Variants in DMXL1 observed in about 807,000 individuals in gnomAD.
DMXL1 encodes the protein dmX-like protein 1.
Under a neutral mutation model 319.2 loss-of-function variants are expected in DMXL1, and 99 were observed. The ratio of observed to expected loss-of-function variants is 0.31; its 90% CI spans 0.26 to 0.37. The LOEUF (loss-of-function observed/expected upper bound fraction) is 0.37. Among genes scored for constraint, DMXL1 ranks in the 10% least tolerant of loss-of-function variants. The pLI is 1.00. For missense variants in DMXL1, 3,745 were observed against 3,595.6 expected, an observed-to-expected ratio of 1.04 and a Z score of -1.06; for synonymous variants, 1,385 against 1,235.2, an observed-to-expected ratio of 1.12 and a Z score of -2.54.
At chr5:119,129,056 CA>C (rs1764225553) in intron 9 of DMXL1, among the ~76,000 whole-genome samples, 154 bp from the exon 10 acceptor site, 1 of 151,626 alleles carries the variant, frequency 6.6e-6, no homozygotes, top group Admixed American at 6.6e-5. Context: ...AACTCTGTCT[CA>C]AAAAAACAAA....
chr5:119,223,508 C>T (rs777158574), intron 37 of DMXL1, among the ~76,000 whole-genome samples: 1 of 152,116 alleles, frequency 6.6e-6, no homozygotes. Context: ...CATTGTAATA[C>T]AGAAATCTAC....
At chr5:119,168,942 C>A (rs1011503141) in intron 23 of DMXL1, among the ~76,000 whole-genome samples, 1 of 151,988 alleles carries the variant, frequency 6.6e-6, no homozygotes, top group Non-Finnish European at 1.5e-5. Flanking sequence ...CTCACTCTCA[C>A]CCAGGCTGGA....
At chr5:119,095,399 T>C (rs1421157830) in intron 1 of DMXL1, among the ~76,000 whole-genome samples, 1 of 152,216 alleles carries the variant, frequency 6.6e-6, no homozygotes, top group Non-Finnish European at 1.5e-5. Flanking sequence ...TTCTCAACTC[T>C]GCAAGTGTAA....
Position 119,178,050 on chromosome 5 carries a change from G to C in DMXL1, c.6941G>C (p.Gly2314Ala), listed in dbSNP as rs370902444. Residue 2314 changes from glycine (G) to alanine (A), a missense_variant, in exon 28 of 44, where the codon GGG becomes GCG. Gly to Ala is a moderately conservative substitution (Grantham distance 60). Around this residue, in one of 4 missense-constraint regions of DMXL1, gnomAD observed 1,382 missense variants for 1,269.5 expected, o/e 1.09. Coordinates refer to ENST00000539542, the MANE Select transcript of DMXL1 (RefSeq NM_001290321.3). ...TCTTCTGGCGAGGAAGCCCAGTCAG[G>C]GCTTACAGTCTTGCTCTGTGAGATT... ...LNSSGEEAQS[G>A]LTVLLCEILT... 50 of 1,613,310 alleles carry C rather than the reference G, an allele frequency of 3.1e-5. No homozygotes were observed. The highest frequency in any genetic ancestry group is 3.8e-5 in the Non-Finnish European group (45 of 1,179,564).
chr5:119,132,179 A>G (rs1765049226), intron 10 of DMXL1, among the ~76,000 whole-genome samples: 1 of 152,108 alleles, frequency 6.6e-6, no homozygotes, highest in Non-Finnish European at 1.5e-5. Flanking sequence ...ATCTCACTAA[A>G]TAAGAAAAGG....
At chr5:119,099,941 C>T (rs926865516) in intron 2 of DMXL1, among the ~76,000 whole-genome samples, 1 of 152,114 alleles carries the variant, frequency 6.6e-6, no homozygotes. Context: ...TTCCAGGCTG[C>T]AGTCAGCTCT....
At chr5:119,201,114 AG>A (rs1361951708) in intron 32 of DMXL1, among the ~76,000 whole-genome samples, 1 of 151,942 alleles carries the variant, frequency 6.6e-6, no homozygotes, top group Non-Finnish European at 1.5e-5. Context: ...GTTGAATAGG[AG>A]TGGTGAGACA....
At chr5:119,158,223 T>TA (rs1336132154) in intron 19 of DMXL1, among the ~76,000 whole-genome samples, 1 of 151,556 alleles carries the variant, frequency 6.6e-6, no homozygotes, top group Non-Finnish European at 1.5e-5. Context: ...TTTTTTTTTT[T>TA]AAGTAGCAAT....
At chr5:119,159,025 C>T (rs917024134) in intron 19 of DMXL1, among the ~76,000 whole-genome samples, 3 of 151,930 alleles carry the variant, frequency 2.0e-5, no homozygotes, top group African/African-American at 7.3e-5. Context: ...TTCTGTTCTT[C>T]GGAGGAGTTC....
chr5:119,107,604 C>T (rs770932279), intron 4 of DMXL1, among the ~76,000 whole-genome samples: 1 of 152,060 alleles, frequency 6.6e-6, no homozygotes. Flanking sequence ...TATATCTTAC[C>T]TACTTTTGTT....
chr5:119,096,532 T>C (rs1268414679), intron 1 of DMXL1, among the ~76,000 whole-genome samples: 2 of 152,090 alleles, frequency 1.3e-5, no homozygotes, highest in African/African-American at 4.8e-5. Context: ...AAGTAGAGAG[T>C]TGATAAAAAC....
intron 31 of DMXL1, among the ~76,000 whole-genome samples, chr5:119,197,491 G>T (rs1161893084): frequency 6.6e-6 from 1 of 152,098 alleles, no homozygotes. Flanking sequence ...ATAATCTTCA[G>T]ATACATTTTT....
intron 3 of DMXL1, among the ~76,000 whole-genome samples, chr5:119,103,046 A>C (rs147566859): frequency 6.6e-6 from 1 of 152,098 alleles, no homozygotes; most frequent in Non-Finnish European, 1.5e-5. Context: ...CTATGTAACA[A>C]ATCTTCACAG....
At chr5:119,117,782 A>T (rs1761162523) in intron 7 of DMXL1, among the ~76,000 whole-genome samples, 1 of 152,124 alleles carries the variant, frequency 6.6e-6, no homozygotes, top group East Asian at 1.9e-4. Context: ...GAGAGCAACC[A>T]ATACAAATTA....
chr5:119,118,950 A>C lies in DMXL1; in HGVS notation c.879A>C (p.Thr293=), dbSNP rs1399251347. 1 of 1,613,602 alleles carries C rather than the reference A, an allele frequency of 6.2e-7. No homozygotes were observed. Among genetic ancestry groups the C allele is most frequent in the Non-Finnish European group, 8.5e-7 (1 of 1,179,866 alleles). The change falls in exon 8 of 44, where the codon ACA becomes ACC. Residue 293 remains threonine (T), a synonymous_variant. Transcript: ENST00000539542. ...ATTGGACTGAATCAATTAATTTAACAAATAACTTCAAGAGAAATGCTTCCA... is the reference window on the plus strand; with the variant it reads ...ATTGGACTGAATCAATTAATTTAACCAATAACTTCAAGAGAAATGCTTCCA... The part of the protein sequence containing the change: ...CSHWTESINL[T]NNFKRNASSK...
At chr5:119,189,939 A>G (rs1253085327) in intron 29 of DMXL1, 53 bp downstream of exon 29, 1 of 1,512,138 alleles carries the variant, frequency 6.6e-7, no homozygotes, top group African/African-American at 1.4e-5. Context: ...AGAAATGAGA[A>G]TATCAGAAAT....
intron 19 of DMXL1, chr5:119,154,587 A>G (rs778635829): frequency 6.2e-6 from 1 of 160,246 alleles, no homozygotes; most frequent in African/African-American, 2.4e-5. Context: ...AGGTTGGTCC[A>G]TGAGGTTTAA....
At position 119,193,899 on chromosome 5, in the gene DMXL1, CAAT is replaced by C. The variant is rs374810198; in HGVS notation, c.7387_7389del (p.Asn2463del). On this transcript the variant is annotated inframe_deletion, in exon 30 of 44. Transcript: ENST00000539542. ...AGAGTCTGGGAAGTGATGATGATGA[CAAT>C]GATGATGATGATGATGTTTTAGCAT... 1.4e-3 allele frequency: 2,228 copies of C among 1,611,738 alleles called. 28 individuals are homozygous for C. In the African/African-American group the frequency reaches 0.026, roughly 19 times the overall value.
chr5:119,099,859 G>T (rs1580695042), intron 2 of DMXL1, among the ~76,000 whole-genome samples: 1 of 152,058 alleles, frequency 6.6e-6, no homozygotes, highest in Non-Finnish European at 1.5e-5. Flanking sequence ...TAAATAGCCG[G>T]ACATGGTAGT....
Sources: gnomAD v4.1 joint callset for allele counts (sites outside exome capture counted in the v4.1 genomes callset) on GRCh38, gnomAD v4.1.1 for gene constraint, gnomAD v4.1.1 regional missense constraint, MANE v1.5 for transcripts, NCBI Gene and HGNC (gene_info 2026-07-23, HGNC 2026-07-21) for gene names.